Variants in SPIDR observed in about 807,000 individuals in gnomAD.
SPIDR encodes the protein DNA repair-scaffolding protein.
In SPIDR, 93 loss-of-function variants were observed where a neutral mutation model predicts 104.6. The ratio of observed to expected loss-of-function variants is 0.89; its 90% CI spans 0.75 to 1.06. The LOEUF (loss-of-function observed/expected upper bound fraction) is 1.06, where lower values mean the gene tolerates loss of function less well. Ranked by LOEUF, SPIDR falls within the 50% of genes least tolerant of loss-of-function variation. SPIDR has a pLI of 0.00. For synonymous variants in SPIDR, 431 were observed against 416.9 expected (o/e 1.03, Z -0.41); for missense variants, 1,154 against 1,111.2 (o/e 1.04, Z -0.55).
intron 8 of SPIDR, among the ~76,000 whole-genome samples, chr8:47,527,000 A>G (rs1482038890): frequency 1.3e-5 from 2 of 152,282 alleles, no homozygotes; most frequent in Middle Eastern, 3.4e-3. Flanking sequence ...ACACATTGCC[A>G]GAGGCTCGGT....
At chr8:47,352,324 C>A (rs530723679) in intron 5 of SPIDR, among the ~76,000 whole-genome samples, 2 of 151,600 alleles carry the variant, frequency 1.3e-5, no homozygotes, top group East Asian at 1.9e-4. Context: ...CCGTGTACTT[C>A]TTGTTTTCAT....
intron 8 of SPIDR, among the ~76,000 whole-genome samples, chr8:47,561,341 T>C (rs1326822122): frequency 2.0e-5 from 3 of 152,206 alleles, no homozygotes; most frequent in East Asian, 3.8e-4. Context: ...TAACATTTAA[T>C]CCCAAACCTG....
At chr8:47,515,564 G>A (rs1401539849) in intron 8 of SPIDR, among the ~76,000 whole-genome samples, 1 of 152,148 alleles carries the variant, frequency 6.6e-6, no homozygotes, top group African/African-American at 2.4e-5. Flanking sequence ...ACAAATCTTA[G>A]GACCAGAATA....
At chr8:47,432,119 A>G (rs1262195799) in intron 7 of SPIDR, among the ~76,000 whole-genome samples, 1 of 152,220 alleles carries the variant, frequency 6.6e-6, no homozygotes, top group Admixed American at 6.5e-5. Context: ...TACTTACTGA[A>G]TACTTATGGG....
intron 10 of SPIDR, among the ~76,000 whole-genome samples, chr8:47,664,863 T>C (rs1314967877): frequency 6.7e-6 from 1 of 148,756 alleles, no homozygotes; most frequent in Non-Finnish European, 1.5e-5. Context: ...GCCACTGCAC[T>C]CCAGCCTGGG....
chr8:47,439,230 G>A (rs2068923290), intron 7 of SPIDR, among the ~76,000 whole-genome samples: 1 of 152,044 alleles, frequency 6.6e-6, no homozygotes, highest in African/African-American at 2.4e-5. Context: ...CCCCTCCTGA[G>A]TCATACTCCT....
chr8:47,335,448 G>A (rs1395971329), intron 5 of SPIDR, among the ~76,000 whole-genome samples: 1 of 151,888 alleles, frequency 6.6e-6, no homozygotes, highest in Non-Finnish European at 1.5e-5. Flanking sequence ...TTTTTTGTTT[G>A]TTTGTTTTGG....
intron 11 of SPIDR, among the ~76,000 whole-genome samples, chr8:47,683,378 TAG>T (rs771985320): frequency 1.8e-4 from 28 of 152,308 alleles, no homozygotes; most frequent in Middle Eastern, 3.4e-3. Flanking sequence ...ACTTTTGCTG[TAG>T]TGGGTGAACA....
In SPIDR at chr8:47,733,630, C is replaced by T. The variant is rs532371830; in HGVS notation, c.2605-1677C>T. 9.8e-4 allele frequency among the ~76,000 whole-genome samples: 149 copies of T among 152,122 alleles called. 1 individual carries two copies. The highest frequency in any genetic ancestry group is 3.2e-3 in the African/African-American group (134 of 41,520). On this transcript the variant is annotated intron_variant, in intron 19 of 19. Coordinates refer to ENST00000297423, the MANE Select transcript of SPIDR (RefSeq NM_001080394.4). The stretch of plus-strand genomic sequence containing the variant: ...CACCCTCCCTCCCCGTGCGGTGACC[C>T]TGCTTCTGCTTCTGTATCCCCTGGT...
At position 47,284,030 on chromosome 8, in the gene SPIDR, A is replaced by G. The variant is rs2038326989; in HGVS notation, c.192A>G (p.Ser64=). 2 of 1,609,108 alleles carry G rather than the reference A, an allele frequency of 1.2e-6. No homozygotes were observed. The highest frequency in any genetic ancestry group is 2.2e-5 in the East Asian group (1 of 44,790). The change falls in exon 3 of 20, where the codon TCA becomes TCG. Residue 64 remains serine, a splice_region_variant and synonymous_variant. Transcript: ENST00000297423. The part of the protein sequence containing the change: ...EGFQNTSGNP[S]LTAEEKTITE... ...CATGATTATTATTTTGCCTACAGTC[A>G]TTAACAGCTGAAGAGAAGACGATTA...
chr8:47,469,446 A>G (rs1554719517), intron 8 of SPIDR, among the ~76,000 whole-genome samples: 9 of 152,200 alleles, frequency 5.9e-5, no homozygotes. Flanking sequence ...ATTGTTGACA[A>G]TAGCAAAAAA....
At chr8:47,409,263 CTT>C (rs561685024) in intron 7 of SPIDR, among the ~76,000 whole-genome samples, 2 of 147,640 alleles carry the variant, frequency 1.4e-5, no homozygotes, top group Admixed American at 1.4e-4. Flanking sequence ...TGAAAACTGA[CTT>C]TTTTTTTTTC....
chr8:47,692,202 T>G (rs2078749507), intron 11 of SPIDR, among the ~76,000 whole-genome samples: 1 of 152,216 alleles, frequency 6.6e-6, no homozygotes, highest in Admixed American at 6.5e-5. Context: ...AATTTACCCT[T>G]TTTAAAGTGT....
intron 8 of SPIDR, among the ~76,000 whole-genome samples, chr8:47,495,531 C>T (rs577595847): frequency 6.6e-6 from 1 of 152,196 alleles, no homozygotes; most frequent in Admixed American, 6.5e-5. Flanking sequence ...TACCCATTAG[C>T]TACTACTTTT....
intron 5 of SPIDR, among the ~76,000 whole-genome samples, chr8:47,346,339 G>A (rs1244331785): frequency 3.9e-5 from 6 of 152,176 alleles, no homozygotes; most frequent in Non-Finnish European, 5.9e-5. Flanking sequence ...TGGTGGATAC[G>A]TTTTTTCATG....
chr8:47,343,973 TTTATTA>T (rs57260811), intron 5 of SPIDR, among the ~76,000 whole-genome samples: 3,380 of 151,918 alleles, frequency 0.022, 71 homozygotes, highest in Middle Eastern at 0.055. Flanking sequence ...TCTTTTTTTT[TTTATTA>T]TTATTATACG....
intron 4 of SPIDR, among the ~76,000 whole-genome samples, chr8:47,293,003 G>A (rs1193554101): frequency 2.0e-5 from 3 of 152,048 alleles, no homozygotes; most frequent in Non-Finnish European, 2.9e-5. Context: ...CAGCAACCTG[G>A]AAAATCTCTA....
intron 16 of SPIDR, among the ~76,000 whole-genome samples, chr8:47,726,605 C>T (rs546462828): frequency 1.2e-4 from 18 of 152,302 alleles, no homozygotes; most frequent in East Asian, 3.9e-4. Context: ...CCGTGTGGCC[C>T]GCCCTGGCTG....
At chr8:47,333,859 A>T (rs880000657) in intron 5 of SPIDR, among the ~76,000 whole-genome samples, 2 of 152,224 alleles carry the variant, frequency 1.3e-5, no homozygotes, top group Non-Finnish European at 2.9e-5. Context: ...AGCGTTGTAT[A>T]TGAGGTGTGT....
Sources: gnomAD v4.1 joint callset for allele counts (sites outside exome capture counted in the v4.1 genomes callset) on GRCh38, gnomAD v4.1.1 for gene constraint, MANE v1.5 for transcripts, NCBI Gene and HGNC (gene_info 2026-07-23, HGNC 2026-07-21) for gene names.